Variants in ITPR2 observed in about 807,000 individuals in gnomAD.
ITPR2 encodes inositol 1,4,5-trisphosphate-gated calcium channel ITPR2.
Under a neutral mutation model 317.1 loss-of-function variants are expected in ITPR2, and 207 were observed. The observed-to-expected ratio is 0.65, with a 90% confidence interval of 0.58 to 0.73. ITPR2 has a LOEUF of 0.73. Ranked by LOEUF, ITPR2 falls within the 30% of genes least tolerant of loss-of-function variation. ITPR2 has a pLI of 0.00. For synonymous variants in ITPR2, 1,156 were observed against 1,149.1 expected, an observed-to-expected ratio of 1.01 and a Z score of -0.12; for missense variants, 2,613 against 3,284.0, an observed-to-expected ratio of 0.80 and a Z score of 4.99.
rs887528968 is a variant in ITPR2 at position 26,418,214 on chromosome 12, A to T, written c.7110+835T>A. On this transcript the variant is annotated intron_variant, in intron 50 of 56. Coordinates refer to ENST00000381340, the MANE Select transcript of ITPR2 (RefSeq NM_002223.4). ...GTGCTGGATTTGTCCCTCATGACTCAGGCAAATTCCTCAACAAAATGTTTT... is the reference window on the plus strand; with the variant it reads ...GTGCTGGATTTGTCCCTCATGACTCTGGCAAATTCCTCAACAAAATGTTTT... 3.3e-5 allele frequency among the ~76,000 whole-genome samples: 5 copies of T among 152,318 alleles called. No individual in the cohort carries two copies. In the East Asian group the frequency reaches 7.7e-4, roughly 23 times the overall value.
intron 54 of ITPR2, among the ~76,000 whole-genome samples, chr12:26,390,883 C>T (rs1939812338): frequency 6.6e-6 from 1 of 152,048 alleles, no homozygotes; most frequent in Non-Finnish European, 1.5e-5. Flanking sequence ...AAACATCTAC[C>T]AGTTGCAAGG....
At chr12:26,744,614 C>T (rs1565733293) in intron 2 of ITPR2, among the ~76,000 whole-genome samples, 1 of 151,784 alleles carries the variant, frequency 6.6e-6, no homozygotes, top group African/African-American at 2.4e-5. Context: ...CATGAACATA[C>T]GAATAAAAAA....
At chr12:26,574,146 C>A (rs1387033713) in intron 34 of ITPR2, among the ~76,000 whole-genome samples, 1 of 151,058 alleles carries the variant, frequency 6.6e-6, no homozygotes, top group Non-Finnish European at 1.5e-5. Context: ...GTTACTTTTT[C>A]AAGTAGCACA....
At chr12:26,679,237 C>T (rs568377479) in intron 13 of ITPR2, among the ~76,000 whole-genome samples, 8 of 151,920 alleles carry the variant, frequency 5.3e-5, no homozygotes, top group Non-Finnish European at 1.2e-4. Flanking sequence ...TGTAAGTTTG[C>T]CAGGGAAAAA....
chr12:26,735,250 C>T (rs1421938680), intron 2 of ITPR2, among the ~76,000 whole-genome samples: 2 of 152,166 alleles, frequency 1.3e-5, no homozygotes, highest in East Asian at 1.9e-4. Flanking sequence ...TATCTGCCTG[C>T]CTTGGCCTCC....
rs1381007582 is a variant in ITPR2, at chr12:26,831,516, T to C, written c.92+1174A>G. Among the ~76,000 whole-genome samples the C allele has an allele frequency of 6.6e-6, 1 of 152,014 alleles. No individual in the cohort carries two copies. Among genetic ancestry groups the C allele is most frequent in the South Asian group, 2.1e-4 (1 of 4,828 alleles). Reference sequence around the variant, plus strand: ...AACACCAGTTCCACAGCCTGAAATGTAGGGCGGGGGGACCTAAGTGTTGAA... The same window carrying C: ...AACACCAGTTCCACAGCCTGAAATGCAGGGCGGGGGGACCTAAGTGTTGAA... On this transcript the variant is annotated intron_variant, in intron 1 of 56. Coordinates refer to ENST00000381340, the MANE Select transcript of ITPR2 (RefSeq NM_002223.4). This position sits in a 1 kb window ranked among gnomAD's most constrained non-coding sequence, Gnocchi z 4.9.
intron 21 of ITPR2, 59 bp from the exon 22 acceptor site, chr12:26,632,118 A>C: frequency 7.3e-7 from 1 of 1,368,914 alleles, no homozygotes. Context: ...ATGTAACTAT[A>C]AAACTCAGTT....
chr12:26,423,548 T>C (rs538048198), intron 49 of ITPR2, among the ~76,000 whole-genome samples: 1 of 152,200 alleles, frequency 6.6e-6, no homozygotes. Flanking sequence ...TTTTACTACA[T>C]TGTTATTTAT....
At chr12:26,362,621 A>G (rs1253663595) in intron 55 of ITPR2, among the ~76,000 whole-genome samples, 1 of 152,188 alleles carries the variant, frequency 6.6e-6, no homozygotes, top group Non-Finnish European at 1.5e-5. Context: ...CTAATACAGT[A>G]CTGCTGGGAC....
Position 26,509,417 on chromosome 12 carries a change from C to G in ITPR2, c.5074-14157G>C, listed in dbSNP as rs973997782. On this transcript the variant is annotated intron_variant, in intron 37 of 56. Coordinates refer to ENST00000381340, the MANE Select transcript of ITPR2 (RefSeq NM_002223.4). ...GTGAATATCTCAATAAAGCTGTTAC[C>G]AAAATATAAAATAAATCCATTAGAT... 7.2e-5 allele frequency among the ~76,000 whole-genome samples: 11 copies of G among 152,042 alleles called. No individual in the cohort carries two copies. The East Asian group carries it at 2.1e-3, about 29-fold the overall frequency.
chr12:26,668,700 T>A (rs927515492), intron 13 of ITPR2, among the ~76,000 whole-genome samples: 5 of 152,066 alleles, frequency 3.3e-5, no homozygotes, highest in African/African-American at 1.2e-4. Context: ...TCAAAATAAG[T>A]TTTAAATGAG....
chr12:26,383,498 T>G (rs181046584), intron 55 of ITPR2, among the ~76,000 whole-genome samples: 2,251 of 150,234 alleles, frequency 0.015, 21 homozygotes, highest in African/African-American at 0.032. Flanking sequence ...TTGTTTGTTT[T>G]TTTGAGATGG....
intron 54 of ITPR2, among the ~76,000 whole-genome samples, chr12:26,391,855 C>T (rs983355035): frequency 1.3e-5 from 2 of 151,972 alleles, no homozygotes; most frequent in Admixed American, 6.6e-5. Flanking sequence ...CATGAGCCAC[C>T]GTGCCCGGCC....
chr12:26,523,670 T>C (rs930772411), intron 37 of ITPR2, among the ~76,000 whole-genome samples: 2 of 152,242 alleles, frequency 1.3e-5, no homozygotes, highest in African/African-American at 2.4e-5. Context: ...TGATGATGTA[T>C]ACATAATGCA....
At chr12:26,421,799 T>A (rs1318938911) in intron 49 of ITPR2, among the ~76,000 whole-genome samples, 1 of 152,192 alleles carries the variant, frequency 6.6e-6, no homozygotes, top group East Asian at 1.9e-4. Context: ...GGACCATAAC[T>A]GTCCTATATA....
intron 13 of ITPR2, among the ~76,000 whole-genome samples, chr12:26,670,416 C>A (rs186237195): frequency 3.9e-5 from 6 of 152,288 alleles, no homozygotes; most frequent in African/African-American, 1.4e-4. Flanking sequence ...ATACAAACAC[C>A]GCTGCTGATA....
intron 43 of ITPR2, among the ~76,000 whole-genome samples, chr12:26,480,239 ATAATT>A (rs1942516148): frequency 1.3e-5 from 2 of 152,218 alleles, no homozygotes; most frequent in African/African-American, 4.8e-5. Context: ...TGGGCTTTAT[ATAATT>A]TAGTGTGTAT....
At position 26,387,528 on chromosome 12, in the gene ITPR2, T is replaced by C. The variant is rs779230220; in HGVS notation, c.7763A>G (p.Asn2588Ser). 112 of 1,613,726 alleles carry C rather than the reference T, an allele frequency of 6.9e-5. No individual in the cohort carries two copies. Among genetic ancestry groups the C allele is most frequent in the Admixed American group, 1.7e-4 (10 of 59,994 alleles). The change falls in exon 55 of 57, where the codon AAT (asparagine) becomes AGT (serine). Residue 2588 changes from asparagine to serine, a missense_variant. Asn to Ser is a conservative substitution (Grantham distance 46). Around this residue, in one of 9 missense-constraint regions of ITPR2, gnomAD observed 119 missense variants for 144.3 expected, o/e 0.82. Coordinates refer to ENST00000381340, the MANE Select transcript of ITPR2 (RefSeq NM_002223.4). ...TATGAAGTACAAATAATGCCACATA[T>C]TGTGTTCTGACTTAATGTGCTCCTC... The part of the protein sequence containing the change: ...SFEEHIKSEH[N>S]MWHYLYFIVL...
intron 45 of ITPR2, among the ~76,000 whole-genome samples, chr12:26,461,688 A>G (rs1236685576): frequency 1.2e-5 from 1 of 84,038 alleles, no homozygotes; most frequent in East Asian, 2.9e-4. Flanking sequence ...ATACATATAT[A>G]TATACACACA....
Sources: gnomAD v4.1 joint callset for allele counts (sites outside exome capture counted in the v4.1 genomes callset) on GRCh38, gnomAD v4.1.1 for gene constraint, gnomAD v4.1.1 regional missense constraint, Gnocchi (gnomAD v3.1) non-coding constraint, MANE v1.5 for transcripts, NCBI Gene and HGNC (gene_info 2026-07-23, HGNC 2026-07-21) for gene names.